PLBD1: variants seen among roughly 807,000 people sequenced by gnomAD.
PLBD1 encodes the protein lysosomal leucine aminopeptidase.
Under a neutral mutation model 63.0 loss-of-function variants are expected in PLBD1, and 60 were observed. That is an observed-to-expected ratio of 0.95 (90% CI 0.77 to 1.18). PLBD1 has a LOEUF of 1.18. Among genes scored for constraint, PLBD1 ranks in the 50% most tolerant of loss-of-function variants. The pLI, the probability that PLBD1 is intolerant of heterozygous loss-of-function variation, is 0.00. For missense variants in PLBD1, 598 were observed against 677.9 expected, an observed-to-expected ratio of 0.88 and a Z score of 1.31; for synonymous variants, 262 against 248.0, an observed-to-expected ratio of 1.06 and a Z score of -0.53.
intron 6 of PLBD1, among the ~76,000 whole-genome samples, chr12:14,534,609 TCTCCGCTCACTGCAAG>T (rs1945496934): frequency 1.3e-5 from 2 of 151,170 alleles, no homozygotes; most frequent in Non-Finnish European, 2.9e-5. Flanking sequence ...AGTGGAGTGA[TCTCCGCTCACTGCAAG>T]CTCCGCCTCC....
intron 6 of PLBD1, among the ~76,000 whole-genome samples, chr12:14,526,462 C>A (rs1389104188): frequency 7.9e-5 from 12 of 152,112 alleles, no homozygotes; most frequent in Non-Finnish European, 1.6e-4. Flanking sequence ...TTTAGAAAAT[C>A]AAATGATGAC....
At chr12:14,505,530 G>C (rs183545518) in intron 10 of PLBD1, among the ~76,000 whole-genome samples, 225 of 152,290 alleles carry the variant, frequency 1.5e-3, no homozygotes, top group Middle Eastern at 6.8e-3. Context: ...TACTTTCACT[G>C]ACTGGTTTGA....
At chr12:14,515,354 A>G (rs1312346160) in intron 6 of PLBD1, among the ~76,000 whole-genome samples, 1 of 152,192 alleles carries the variant, frequency 6.6e-6, no homozygotes, top group Admixed American at 6.5e-5. Context: ...GGCAGAAGAC[A>G]TCAGTGTTCT....
rs2136920272 is a variant in PLBD1 at position 14,535,693 on chromosome 12, G to A, written c.810C>T (p.Thr270=). Residue 270 remains threonine (T), a synonymous_variant, in exon 6 of 11, where the codon ACC becomes ACT. Transcript: ENST00000240617. ...HWDFNVIDKD[T]SSSRLSFSSY... ...TGCTGAAAGAGAGGCGACTACTGCT[G>A]GTATCTTTATCTATGACGTTGAAGT... 1 of 1,613,934 alleles carries A rather than the reference G, an allele frequency of 6.2e-7. No individual in the cohort carries two copies. The highest frequency in any genetic ancestry group is 8.5e-7 in the Non-Finnish European group (1 of 1,179,866).
intron 6 of PLBD1, 71 bp downstream of exon 6, chr12:14,535,588 A>G: frequency 2.0e-6 from 3 of 1,515,694 alleles, no homozygotes; most frequent in South Asian, 2.3e-5. Context: ...ATTGCAGTTA[A>G]CACTGAATCA....
rs1250253060 is a variant in PLBD1, at chr12:14,511,315, CACAATGT to C, written c.1124_1130del (p.Tyr375TrpfsTer8). The C allele has an allele frequency of 5.0e-6, 8 of 1,611,132 alleles. No individual in the cohort carries two copies. Among genetic ancestry groups the C allele is most frequent in the Non-Finnish European group, 5.9e-6 (7 of 1,178,710 alleles). On this transcript the variant is annotated frameshift_variant, in exon 8 of 11. Transcript: ENST00000240617. LOFTEE classifies it high-confidence loss of function. ...ATTCTACATATGTAGGAATTTGCTC[CACAATGT>C]ACAGAGTGCCTTTGTCAAGACTGTG...
At chr12:14,526,752 C>A (rs1253570100) in intron 6 of PLBD1, among the ~76,000 whole-genome samples, 2 of 152,166 alleles carry the variant, frequency 1.3e-5, no homozygotes, top group Admixed American at 6.5e-5. Flanking sequence ...GCAGGCAGAT[C>A]ACCTGAGGTC....
At chr12:14,513,780 G>GTTTT (rs1237327068) in intron 6 of PLBD1, among the ~76,000 whole-genome samples, 1 of 140,420 alleles carries the variant, frequency 7.1e-6, no homozygotes, top group Non-Finnish European at 1.6e-5. Context: ...CTAACTCTTA[G>GTTTT]TTTTTTTTTT....
chr12:14,567,370 T>G (rs1945798622), intron 1 of PLBD1, among the ~76,000 whole-genome samples: 1 of 152,328 alleles, frequency 6.6e-6, no homozygotes, highest in Non-Finnish European at 1.5e-5. Flanking sequence ...ACTTGTAAAG[T>G]TGGCAGACGC....
rs141919746 is a variant in PLBD1 at position 14,558,544 on chromosome 12, G to T, written c.116-5132C>A. Among the ~76,000 whole-genome samples, 21 of 152,198 alleles carry T rather than the reference G, an allele frequency of 1.4e-4. No individual in the cohort carries two copies. In the East Asian group the frequency reaches 3.5e-3, roughly 25 times the overall value. On this transcript the variant is annotated intron_variant, in intron 1 of 10. Coordinates refer to ENST00000240617, the MANE Select transcript of PLBD1 (RefSeq NM_024829.6). ...GGGAAATGAGGAAGTGTGGCTGCTGGAATAAAAAGCAGAGTCATAAACAGG... is the reference window on the plus strand; with the variant it reads ...GGGAAATGAGGAAGTGTGGCTGCTGTAATAAAAAGCAGAGTCATAAACAGG...
At chr12:14,510,715 C>T (rs1945291304) in intron 8 of PLBD1, among the ~76,000 whole-genome samples, 1 of 152,162 alleles carries the variant, frequency 6.6e-6, no homozygotes, top group Non-Finnish European at 1.5e-5. Context: ...CTTCAAATGT[C>T]TGGACTCCTT....
At chr12:14,518,861 A>C (rs11056007) in intron 6 of PLBD1, among the ~76,000 whole-genome samples, 23,590 of 152,070 alleles carry the variant, frequency 0.16, 2,186 homozygotes, top group South Asian at 0.38. Context: ...CCTGAAGGTT[A>C]GTAAAACCTT....
chr12:14,529,323 A>G (rs1945441583), intron 6 of PLBD1, among the ~76,000 whole-genome samples: 1 of 152,110 alleles, frequency 6.6e-6, no homozygotes, highest in South Asian at 2.1e-4. Context: ...TAAAACAAAA[A>G]CCATCATAAG....
At chr12:14,551,519 T>C (rs1254924901) in intron 2 of PLBD1, among the ~76,000 whole-genome samples, 1 of 152,218 alleles carries the variant, frequency 6.6e-6, no homozygotes, top group African/African-American at 2.4e-5. Flanking sequence ...TAAAGCCACC[T>C]TCAAAAGTGG....
At chr12:14,558,190 G>A (rs534477582) in intron 1 of PLBD1, among the ~76,000 whole-genome samples, 4 of 152,236 alleles carry the variant, frequency 2.6e-5, no homozygotes, top group East Asian at 1.9e-4. Flanking sequence ...CTGATTAAAC[G>A]CTTAAGGAAT....
intron 1 of PLBD1, among the ~76,000 whole-genome samples, chr12:14,557,434 G>C (rs567132021): frequency 1.8e-4 from 28 of 152,252 alleles, no homozygotes; most frequent in South Asian, 1.5e-3. Context: ...TGGTAGACTG[G>C]ATAAAGAAAT....
rs530413071 is a variant in PLBD1 at position 14,534,941 on chromosome 12, G to A, written c.844+718C>T. On this transcript the variant is annotated intron_variant, in intron 6 of 10. Coordinates refer to ENST00000240617, the MANE Select transcript of PLBD1 (RefSeq NM_024829.6). ...TCTCCTCTACTGGGACTGTCCTCCC[G>A]TCCATCTCTACTTTTTCAAATTCTA... Among the ~76,000 whole-genome samples, 14 of 152,170 alleles carry A rather than the reference G, an allele frequency of 9.2e-5. 1 individual carries two copies. Among genetic ancestry groups the A allele is most frequent in the Admixed American group, 5.9e-4 (9 of 15,278 alleles).
At chr12:14,567,502 G>A (rs757869569) in intron 1 of PLBD1, 80 bp downstream of exon 1, 3 of 1,391,618 alleles carry the variant, frequency 2.2e-6, no homozygotes, top group Non-Finnish European at 2.8e-6. Context: ...ACGTCAACTC[G>A]GCCGGACGCG....
intron 1 of PLBD1, among the ~76,000 whole-genome samples, chr12:14,559,856 T>A (rs1254062116): frequency 6.6e-6 from 1 of 151,658 alleles, no homozygotes; most frequent in Non-Finnish European, 1.5e-5. Flanking sequence ...ATATTTTATT[T>A]ATTTAATTTT....
Sources: allele counts gnomAD v4.1 joint callset (sites outside exome capture counted in the v4.1 genomes callset), GRCh38; gene constraint gnomAD v4.1.1; transcripts MANE v1.5; gene names NCBI Gene and HGNC (gene_info 2026-07-23, HGNC 2026-07-21).